SCAPER: variants seen among roughly 807,000 people sequenced by gnomAD.
SCAPER encodes S phase cyclin A-associated protein in the endoplasmic reticulum.
Under a neutral mutation model 182.2 loss-of-function variants are expected in SCAPER, and 98 were observed. The observed-to-expected ratio is 0.54, with a 90% confidence interval of 0.46 to 0.64. The LOEUF is 0.64. Among genes scored for constraint, SCAPER ranks in the 30% least tolerant of loss-of-function variants. The pLI, the probability that SCAPER is intolerant of heterozygous loss-of-function variation, is 0.00. For missense variants in SCAPER, 1,432 were observed against 1,690.0 expected (o/e 0.85, Z 2.68); for synonymous variants, 605 against 564.6 (o/e 1.07, Z -1.01).
intron 26 of SCAPER, among the ~76,000 whole-genome samples, chr15:76,416,672 C>G (rs748894557): frequency 1.3e-5 from 2 of 152,014 alleles, no homozygotes; most frequent in East Asian, 3.8e-4. Flanking sequence ...AGAAATTCTA[C>G]TTTTCAACAT....
At chr15:76,723,128 G>T (rs1011200389) in intron 17 of SCAPER, among the ~76,000 whole-genome samples, 12 of 151,974 alleles carry the variant, frequency 7.9e-5, no homozygotes, top group Non-Finnish European at 1.6e-4. Flanking sequence ...GGTATGTTGT[G>T]TCTTTGTTCT....
chr15:76,824,222 T>C (rs1326595046), intron 5 of SCAPER, among the ~76,000 whole-genome samples: 4 of 152,222 alleles, frequency 2.6e-5, no homozygotes, highest in Non-Finnish European at 5.9e-5. Context: ...CTGAAAGTAA[T>C]GTTATAGGCA....
At chr15:76,710,501 T>A (rs1428690043) in intron 17 of SCAPER, among the ~76,000 whole-genome samples, 2 of 151,736 alleles carry the variant, frequency 1.3e-5, no homozygotes, top group Non-Finnish European at 2.9e-5. Flanking sequence ...GCAAGAAAAA[T>A]CCAAAAATGA....
chr15:76,515,339 T>C (rs1009438020), intron 23 of SCAPER, among the ~76,000 whole-genome samples: 1 of 152,208 alleles, frequency 6.6e-6, no homozygotes, highest in African/African-American at 2.4e-5. Flanking sequence ...CTGAGTGGTC[T>C]TTCTCTTTCT....
rs151036140 is a variant in SCAPER at position 76,354,406 on chromosome 15, C to T, written c.3856-266G>A. The T allele has an allele frequency of 3.0e-4, 105 of 352,422 alleles. No homozygotes were observed. Among genetic ancestry groups the T allele is most frequent in the African/African-American group, 1.9e-3 (88 of 46,114 alleles). 21.8% of individuals were successfully genotyped at this position (352,422 alleles called of 1,614,324 possible). Reference sequence around the variant, plus strand: ...TCCACGATTAAAGGTGTAGCTGCCACGGAGTAAGGACGCCTATGAAATGGA... The same window carrying T: ...TCCACGATTAAAGGTGTAGCTGCCATGGAGTAAGGACGCCTATGAAATGGA... On this transcript the variant is annotated intron_variant, in intron 29 of 31. Transcript: ENST00000563290. This position sits in a 1 kb window ranked among gnomAD's most constrained non-coding sequence, Gnocchi z 4.4.
intron 2 of SCAPER, 67 bp downstream of exon 2, chr15:76,883,745 A>G: frequency 5.5e-6 from 7 of 1,278,208 alleles, no homozygotes; most frequent in Non-Finnish European, 7.5e-6. Flanking sequence ...TACATTAAAA[A>G]AGATAAAAGA....
intron 26 of SCAPER, among the ~76,000 whole-genome samples, chr15:76,407,281 A>T (rs2093430532): frequency 6.6e-6 from 1 of 152,216 alleles, no homozygotes; most frequent in Admixed American, 6.5e-5. Context: ...AATGCAGGCA[A>T]CTGTAACACA....
chr15:76,860,460 A>C (rs996213313), intron 3 of SCAPER, among the ~76,000 whole-genome samples: 4 of 152,214 alleles, frequency 2.6e-5, no homozygotes, highest in African/African-American at 9.6e-5. Context: ...GAAAAGCTAC[A>C]GGGGAAGACA....
intron 20 of SCAPER, among the ~76,000 whole-genome samples, chr15:76,677,432 C>G (rs1458563071): frequency 1.3e-5 from 2 of 151,960 alleles, no homozygotes; most frequent in Non-Finnish European, 2.9e-5. Context: ...GACTGACTGA[C>G]TTCTCTAGGC....
At position 76,400,592 on chromosome 15, in the gene SCAPER, AG is replaced by A. The variant is rs544353053; in HGVS notation, c.3467+3931del. ...TGTTCAGGAAATGTTGGGAGACTGA[AG>A]GATGAGAGGAAGAACAACAATAAGG... On this transcript the variant is annotated intron_variant, in intron 27 of 31. Transcript: ENST00000563290. Among the ~76,000 whole-genome samples, 289 of 152,336 alleles carry A rather than the reference AG, an allele frequency of 1.9e-3. 1 individual carries two copies. The highest frequency in any genetic ancestry group is 6.7e-3 in the African/African-American group (277 of 41,568).
At chr15:76,591,628 C>A (rs2049117678) in intron 22 of SCAPER, among the ~76,000 whole-genome samples, 1 of 152,046 alleles carries the variant, frequency 6.6e-6, no homozygotes, top group African/African-American at 2.4e-5. Flanking sequence ...TGTCTGGCTA[C>A]TTTTTGCATT....
At chr15:76,730,403 T>G (rs375552498) in intron 16 of SCAPER, among the ~76,000 whole-genome samples, 1 of 152,060 alleles carries the variant, frequency 6.6e-6, no homozygotes, top group African/African-American at 2.4e-5. Context: ...GTCATGCAAT[T>G]AGATTTTAAA....
intron 22 of SCAPER, among the ~76,000 whole-genome samples, chr15:76,619,628 G>A (rs2051833290): frequency 6.6e-6 from 1 of 151,910 alleles, no homozygotes; most frequent in Admixed American, 6.6e-5. Context: ...TAGGGTACAT[G>A]TGCACAATGT....
chr15:76,695,252 T>C (rs1477037485), intron 20 of SCAPER, among the ~76,000 whole-genome samples: 1 of 152,188 alleles, frequency 6.6e-6, no homozygotes, highest in African/African-American at 2.4e-5. Flanking sequence ...TCTTCTGTTT[T>C]GAGTTAATTC....
At chr15:76,487,215 GA>G (rs570591565) in intron 24 of SCAPER, among the ~76,000 whole-genome samples, 94 of 151,782 alleles carry the variant, frequency 6.2e-4, no homozygotes, top group African/African-American at 2.2e-3. Context: ...AGAGGATCAG[GA>G]AAAAAAACTA....
intron 26 of SCAPER, among the ~76,000 whole-genome samples, chr15:76,409,647 G>A (rs1046509879): frequency 6.6e-6 from 1 of 150,784 alleles, no homozygotes; most frequent in African/African-American, 2.4e-5. Context: ...TTGTTTCTTT[G>A]TCCATCCTTG....
chr15:76,818,021 T>C (rs1422701869), intron 5 of SCAPER, among the ~76,000 whole-genome samples: 1 of 152,102 alleles, frequency 6.6e-6, no homozygotes, highest in Non-Finnish European at 1.5e-5. Flanking sequence ...ACAAAGCTGG[T>C]GGACTAACAC....
intron 26 of SCAPER, among the ~76,000 whole-genome samples, chr15:76,429,983 A>G (rs577990492): frequency 2.0e-5 from 3 of 152,228 alleles, no homozygotes; most frequent in Non-Finnish European, 4.4e-5. Context: ...TGTGCAGTCT[A>G]GGGACTTGGT....
rs191454069 is a variant in SCAPER, at chr15:76,619,371, T to C, written c.2711+2393A>G. Reference sequence around the variant, plus strand: ...AGTTATTTCCAGTTTGGAGCTATTATTACAATTAAAATGGCTGCAATATAT... The same window carrying C: ...AGTTATTTCCAGTTTGGAGCTATTACTACAATTAAAATGGCTGCAATATAT... On this transcript the variant is annotated intron_variant, in intron 22 of 31. Coordinates refer to ENST00000563290, the MANE Select transcript of SCAPER (RefSeq NM_020843.4). 3.7e-3 allele frequency among the ~76,000 whole-genome samples: 558 copies of C among 152,372 alleles called. 6 individuals carry two copies. The highest frequency in any genetic ancestry group is 0.013 in the African/African-American group (539 of 41,588).
Sources: allele counts gnomAD v4.1 joint callset (sites outside exome capture counted in the v4.1 genomes callset), GRCh38; gene constraint gnomAD v4.1.1; non-coding constraint Gnocchi (gnomAD v3.1); transcripts MANE v1.5; gene names NCBI Gene and HGNC (gene_info 2026-07-23, HGNC 2026-07-21).